Variants in CDH12 observed in about 807,000 individuals in gnomAD.
The protein encoded by CDH12 is cadherin-12.
Under a neutral mutation model 74.1 loss-of-function variants are expected in CDH12, and 41 were observed. That is an observed-to-expected ratio of 0.55 (90% CI 0.43 to 0.72). CDH12 has a LOEUF of 0.72. CDH12 is among the 30% of genes least tolerant of loss of function. The pLI, the probability that CDH12 is intolerant of heterozygous loss-of-function variation, is 0.00. For missense variants in CDH12, 945 were observed against 977.2 expected (o/e 0.97, Z 0.44); for synonymous variants, 399 against 355.0 (o/e 1.12, Z -1.39).
At chr5:22,749,958 C>A (rs987749079) in intron 1 of CDH12, among the ~76,000 whole-genome samples, 3 of 152,164 alleles carry the variant, frequency 2.0e-5, no homozygotes, top group African/African-American at 7.2e-5. Context: ...ATTCATATAG[C>A]TATCAACTTC....
rs180939228 is a variant in CDH12, at chr5:22,608,077, G to A, written c.-522-102713C>T. Among the ~76,000 whole-genome samples, 663 of 152,252 alleles carry A rather than the reference G, an allele frequency of 4.4e-3. 3 individuals are homozygous for A. Among genetic ancestry groups the A allele is most frequent in the Non-Finnish European group, 7.3e-3 (494 of 68,030 alleles). The stretch of plus-strand genomic sequence containing the variant: ...ATTGCCTAGTGGAGCTATGAGAAGT[G>A]AGCCACCATCCTCCAGACCCCAGAA... On this transcript the variant is annotated intron_variant, in intron 1 of 14. Coordinates refer to ENST00000382254, the MANE Select transcript of CDH12 (RefSeq NM_004061.5).
intron 6 of CDH12, among the ~76,000 whole-genome samples, chr5:21,899,338 A>C (rs1354656614): frequency 6.6e-6 from 1 of 152,208 alleles, no homozygotes; most frequent in Admixed American, 6.5e-5. Context: ...TGCATTCCTC[A>C]TAATACTCAG....
intron 5 of CDH12, among the ~76,000 whole-genome samples, chr5:22,052,968 T>G (rs1740481029): frequency 6.6e-6 from 1 of 152,118 alleles, no homozygotes; most frequent in Non-Finnish European, 1.5e-5. Flanking sequence ...AAACTACATT[T>G]TAAAAGAGAT....
intron 1 of CDH12, among the ~76,000 whole-genome samples, chr5:22,708,090 A>G (rs1162339994): frequency 6.6e-6 from 1 of 152,218 alleles, no homozygotes. Flanking sequence ...GTAAATAAAC[A>G]TATTAATATC....
intron 2 of CDH12, among the ~76,000 whole-genome samples, chr5:22,476,835 A>G (rs1279032178): frequency 1.3e-5 from 2 of 152,136 alleles, no homozygotes; most frequent in South Asian, 4.1e-4. Context: ...AGATTATACA[A>G]TATCTGATAT....
At chr5:22,687,195 G>A (rs934520734) in intron 1 of CDH12, among the ~76,000 whole-genome samples, 3 of 152,086 alleles carry the variant, frequency 2.0e-5, no homozygotes, top group Admixed American at 6.5e-5. Context: ...TCGGGAGGTT[G>A]AGGCAGGAAA....
At chr5:22,038,938 C>G (rs550424292) in intron 5 of CDH12, among the ~76,000 whole-genome samples, 7 of 152,204 alleles carry the variant, frequency 4.6e-5, no homozygotes, top group Admixed American at 2.6e-4. Context: ...CACTGGCTTC[C>G]TAGACTCTGA....
rs371626506 is a variant in CDH12 at position 22,187,835 on chromosome 5, C to T, written c.-187+24663G>A. Reference sequence around the variant, plus strand: ...ATTGGTAAGTTGCTTAAAGTATACACGCGCTGTTCATGTTGTCACTGTGAT... The same window carrying T: ...ATTGGTAAGTTGCTTAAAGTATACATGCGCTGTTCATGTTGTCACTGTGAT... On this transcript the variant is annotated intron_variant, in intron 4 of 14. Transcript: ENST00000382254. Among the ~76,000 whole-genome samples, 17 of 152,220 alleles carry T rather than the reference C, an allele frequency of 1.1e-4. 1 individual carries two copies. The highest frequency in any genetic ancestry group is 2.6e-4 in the Admixed American group (4 of 15,296).
rs147414712 is a variant in CDH12, at chr5:22,003,764, A to G, written c.232-28379T>C. Among the ~76,000 whole-genome samples the G allele has an allele frequency of 4.0e-3, 594 of 148,406 alleles. 8 individuals carry two copies. The highest frequency in any genetic ancestry group is 0.015 in the Middle Eastern group (4 of 272). ...CAAGACCCATCTTCATAGTCAATAA[A>G]TAAATGTTTATTTGTTTCGTTTCAT... On this transcript the variant is annotated intron_variant, in intron 5 of 14. Transcript: ENST00000382254.
chr5:21,908,018 T>C (rs932890528), intron 6 of CDH12, among the ~76,000 whole-genome samples: 2 of 152,188 alleles, frequency 1.3e-5, no homozygotes, highest in African/African-American at 4.8e-5. Context: ...TACCCTGACC[T>C]GTTGAGAAAA....
chr5:22,120,056 A>T (rs1479100329), intron 4 of CDH12, among the ~76,000 whole-genome samples: 1 of 152,186 alleles, frequency 6.6e-6, no homozygotes, highest in East Asian at 1.9e-4. Flanking sequence ...CACCCCTAGG[A>T]AATCAAGGGG....
intron 1 of CDH12, among the ~76,000 whole-genome samples, chr5:22,617,926 A>G (rs1737770453): frequency 6.6e-6 from 1 of 152,146 alleles, no homozygotes. Flanking sequence ...AGGTAATAAC[A>G]ATAACTAATA....
chr5:22,483,763 T>TATATATATATATATATATATATAAAA (rs902754630), intron 2 of CDH12, among the ~76,000 whole-genome samples: 3 of 91,838 alleles, frequency 3.3e-5, no homozygotes, highest in Non-Finnish European at 6.6e-5. Context: ...TATATATATA[T>TATATATATATATATATATATATAAAA]AAATTTAATT....
chr5:21,874,398 G>A (rs779336347), intron 6 of CDH12, among the ~76,000 whole-genome samples: 8 of 152,226 alleles, frequency 5.3e-5, no homozygotes, highest in South Asian at 2.1e-4. Flanking sequence ...CTTTAAACAC[G>A]GGGCTTGCAA....
At chr5:22,478,357 T>G (rs536356480) in intron 2 of CDH12, among the ~76,000 whole-genome samples, 2,276 of 136,450 alleles carry the variant, frequency 0.017, 32 homozygotes, top group Non-Finnish European at 0.025. Context: ...GGCGGAGCTT[T>G]CAGTGAGCAG....
intron 4 of CDH12, among the ~76,000 whole-genome samples, chr5:22,192,316 A>G (rs1750353249): frequency 6.6e-6 from 1 of 152,184 alleles, no homozygotes; most frequent in African/African-American, 2.4e-5. Flanking sequence ...CCTGCAAGGA[A>G]CTTATAATCT....
chr5:21,962,806 T>C (rs1288070502), intron 6 of CDH12, among the ~76,000 whole-genome samples: 1 of 152,182 alleles, frequency 6.6e-6, no homozygotes, highest in Non-Finnish European at 1.5e-5. Flanking sequence ...TCTTAATGCC[T>C]GGAATATTCA....
intron 1 of CDH12, among the ~76,000 whole-genome samples, chr5:22,828,448 C>T (rs1281647425): frequency 6.6e-6 from 1 of 152,070 alleles, no homozygotes; most frequent in Non-Finnish European, 1.5e-5. Flanking sequence ...TATTTAAATG[C>T]TAATCTACAT....
At chr5:22,478,304 G>C (rs906770019) in intron 2 of CDH12, among the ~76,000 whole-genome samples, 1 of 150,866 alleles carries the variant, frequency 6.6e-6, no homozygotes, top group Non-Finnish European at 1.5e-5. Context: ...TGTAGTCCCA[G>C]CTACTCGGGA....
Sources: gnomAD v4.1 joint callset for allele counts (sites outside exome capture counted in the v4.1 genomes callset) on GRCh38, gnomAD v4.1.1 for gene constraint, MANE v1.5 for transcripts, NCBI Gene and HGNC (gene_info 2026-07-23, HGNC 2026-07-21) for gene names.